Variants in KDM2A observed in about 807,000 individuals in gnomAD.
KDM2A encodes the protein lysine-specific demethylase 2A.
A neutral mutation model predicts 137.3 loss-of-function variants in KDM2A; 3 were observed. That is an observed-to-expected ratio of 0.02 (90% CI 0.01 to 0.06). The LOEUF (loss-of-function observed/expected upper bound fraction) is 0.06, where lower values mean the gene tolerates loss of function less well. KDM2A is among the 10% of genes least tolerant of loss of function. The pLI is 1.00. For synonymous variants in KDM2A, 512 were observed against 541.5 expected (o/e 0.95, Z 0.76); for missense variants, 738 against 1,510.6 (o/e 0.49, Z 8.48).
chr11:67,240,314 C>T (rs1466564531), intron 12 of KDM2A: 1 of 1,535,602 alleles, frequency 6.5e-7, no homozygotes, highest in South Asian at 1.2e-5. Context: ...AAAACAAAGA[C>T]GCTGGGGAAA....
intron 2 of KDM2A, among the ~76,000 whole-genome samples, chr11:67,121,684 C>T (rs1855600988): frequency 1.3e-5 from 2 of 152,088 alleles, no homozygotes; most frequent in South Asian, 2.1e-4. Flanking sequence ...CATCTGATTA[C>T]GTTAGATTAG....
chr11:67,196,529 G>A (rs918827227), intron 5 of KDM2A: 29 of 453,366 alleles, frequency 6.4e-5, no homozygotes, highest in Middle Eastern at 3.7e-4. Flanking sequence ...CCATTCACTG[G>A]ATTATTATTT....
Position 67,257,503 on chromosome 11 carries a change from G to T in KDM2A, c.*2448G>T, listed in dbSNP as rs1859650431. 1 of 152,504 alleles carries T rather than the reference G, an allele frequency of 6.6e-6. No homozygotes were observed. The highest frequency in any genetic ancestry group is 2.4e-5 in the African/African-American group (1 of 41,372). 9.4% of individuals were successfully genotyped at this position (152,504 alleles called of 1,614,324 possible). A position where few individuals can be genotyped will look rare whatever the true frequency, so the allele number is the denominator to read the frequency against. On this transcript the variant is annotated 3_prime_UTR_variant, in exon 21 of 21. Transcript: ENST00000529006. ...TCTTAGACACGGCCTTGCCAGGAGAGCCTGCCCTCAGACTGCAGGACCAGA... is the reference window on the plus strand; with the variant it reads ...TCTTAGACACGGCCTTGCCAGGAGATCCTGCCCTCAGACTGCAGGACCAGA...
chr11:67,145,921 G>C (rs1012766546), intron 2 of KDM2A, among the ~76,000 whole-genome samples: 1 of 149,624 alleles, frequency 6.7e-6, no homozygotes, highest in African/African-American at 2.5e-5. Context: ...AACTGTATCC[G>C]GGAGATTTTC....
intron 10 of KDM2A, among the ~76,000 whole-genome samples, chr11:67,222,059 C>CTTTTTTTTTTTTTTTTTTTTT (rs11373238): frequency 2.7e-5 from 3 of 110,480 alleles, no homozygotes; most frequent in Admixed American, 1.0e-4. Flanking sequence ...CTCTGTCATT[C>CTTTTTTTTTTTTTTTTTTTTT]TTTTTTTTTT....
intron 2 of KDM2A, among the ~76,000 whole-genome samples, chr11:67,167,193 A>G (rs1856766708): frequency 6.6e-6 from 1 of 152,248 alleles, no homozygotes; most frequent in South Asian, 2.1e-4. Context: ...TGCCTTAGAT[A>G]TAACATCTAA....
At chr11:67,247,037 T>TATATATATATATA in intron 15 of KDM2A, among the ~76,000 whole-genome samples, 1 of 33,074 alleles carries the variant, frequency 3.0e-5, no homozygotes, top group African/African-American at 1.1e-4. Context: ...ATAAATTATT[T>TATATATATATATA]TATATATATA....
At chr11:67,247,077 T>TTTATTTA in intron 15 of KDM2A, among the ~76,000 whole-genome samples, 1 of 72,794 alleles carries the variant, frequency 1.4e-5, no homozygotes, top group African/African-American at 6.6e-5. Flanking sequence ...ATATATTTTT[T>TTTATTTA]TTTTTTTTTT....
At chr11:67,219,448 A>G (rs757077539) in intron 10 of KDM2A, 45 bp downstream of exon 10, 2 of 1,019,728 alleles carry the variant, frequency 2.0e-6, no homozygotes, top group Non-Finnish European at 2.8e-6. Flanking sequence ...GGTTTACTCC[A>G]GTTATGATAG....
intron 12 of KDM2A, among the ~76,000 whole-genome samples, chr11:67,241,496 A>G (rs374843450): frequency 1.1e-4 from 16 of 152,122 alleles, no homozygotes; most frequent in African/African-American, 3.4e-4. Context: ...TAAGAATGAA[A>G]ATACATAAAA....
chr11:67,151,252 C>T (rs953167281), intron 2 of KDM2A, among the ~76,000 whole-genome samples: 2 of 151,900 alleles, frequency 1.3e-5, no homozygotes, highest in African/African-American at 2.4e-5. Flanking sequence ...TTGTGTTGTA[C>T]GCTATGGTAG....
At chr11:67,201,818 G>A (rs954648491) in intron 5 of KDM2A, among the ~76,000 whole-genome samples, 1 of 144,004 alleles carries the variant, frequency 6.9e-6, no homozygotes, top group Non-Finnish European at 1.5e-5. Context: ...AGCCATGCTT[G>A]GTGGTGTACA....
At chr11:67,169,075 C>T (rs1004193383) in intron 2 of KDM2A, among the ~76,000 whole-genome samples, 4 of 151,528 alleles carry the variant, frequency 2.6e-5, no homozygotes, top group Non-Finnish European at 4.4e-5. Context: ...CTTGCCTCAG[C>T]CTCCTGAGTA....
intron 2 of KDM2A, among the ~76,000 whole-genome samples, chr11:67,155,852 G>A (rs1453317658): frequency 6.8e-6 from 1 of 146,188 alleles, no homozygotes; most frequent in Non-Finnish European, 1.5e-5. Flanking sequence ...CCGACCTCAG[G>A]TGATCCGCCT....
At chr11:67,216,944 C>A (rs368146204) in intron 8 of KDM2A, among the ~76,000 whole-genome samples, 47 of 149,108 alleles carry the variant, frequency 3.2e-4, no homozygotes, top group East Asian at 1.0e-3. Context: ...ACAACAACAA[C>A]AAAAAAACAT....
At chr11:67,141,661 G>A (rs193067096) in intron 2 of KDM2A, among the ~76,000 whole-genome samples, 102 of 62,706 alleles carry the variant, frequency 1.6e-3, no homozygotes, top group Non-Finnish European at 2.3e-3. Context: ...AATGAGACTC[G>A]TTCCAAAAAA....
Position 67,215,670 on chromosome 11 carries a change from G to A in KDM2A, c.594-186G>A, listed in dbSNP as rs4930415. 0.022 allele frequency: 13,776 copies of A among 635,812 alleles called. 1,245 individuals carry two copies. The Admixed American group carries it at 0.23, about 10-fold the overall frequency. 39.4% of individuals were successfully genotyped at this position (635,812 alleles called of 1,614,324 possible). A position where few individuals can be genotyped will look rare whatever the true frequency, so the allele number is the denominator to read the frequency against. ...AAAAAACTTACATTTTAGTCAATAC[G>A]GTAGAAAAAAAAAAAACCTTTTTCT... On this transcript the variant is annotated intron_variant, in intron 7 of 20. Coordinates refer to ENST00000529006, the MANE Select transcript of KDM2A (RefSeq NM_012308.3).
At chr11:67,206,795 A>C (rs906190845) in intron 5 of KDM2A, among the ~76,000 whole-genome samples, 4 of 152,124 alleles carry the variant, frequency 2.6e-5, no homozygotes, top group African/African-American at 9.7e-5. Flanking sequence ...TTTTCTCTCC[A>C]CTACTATTTT....
intron 2 of KDM2A, among the ~76,000 whole-genome samples, chr11:67,162,573 CTT>C (rs1351261292): frequency 6.6e-6 from 1 of 151,810 alleles, no homozygotes; most frequent in Non-Finnish European, 1.5e-5. Context: ...ACCCAGCTAA[CTT>C]TTGTATTTTT....
Sources: gnomAD v4.1 joint callset for allele counts (sites outside exome capture counted in the v4.1 genomes callset) on GRCh38, gnomAD v4.1.1 for gene constraint, MANE v1.5 for transcripts, NCBI Gene and HGNC (gene_info 2026-07-23, HGNC 2026-07-21) for gene names.